COP1: variants seen among roughly 807,000 people sequenced by gnomAD.
The protein encoded by COP1 is COP1 E3 ubiquitin ligase.
Under a neutral mutation model 101.3 loss-of-function variants are expected in COP1, and 24 were observed. The ratio of observed to expected loss-of-function variants is 0.24; its 90% CI spans 0.17 to 0.33. The LOEUF is 0.33. Ranked by LOEUF, COP1 falls within the 10% of genes least tolerant of loss-of-function variation. The pLI, the probability that COP1 is intolerant of heterozygous loss-of-function variation, is 1.00. For missense variants in COP1, 663 were observed against 906.2 expected, an observed-to-expected ratio of 0.73 and a Z score of 3.45; for synonymous variants, 347 against 341.9, an observed-to-expected ratio of 1.01 and a Z score of -0.17.
intron 1 of COP1, among the ~76,000 whole-genome samples, chr1:176,201,596 T>C (rs927757709): frequency 1.3e-5 from 2 of 152,226 alleles, no homozygotes; most frequent in African/African-American, 2.4e-5. Flanking sequence ...TGAACTACTA[T>C]TGCACAAGTA....
intron 15 of COP1, among the ~76,000 whole-genome samples, chr1:175,990,492 G>T (rs6676805): frequency 2.0e-5 from 3 of 151,988 alleles, no homozygotes; most frequent in Non-Finnish European, 4.4e-5. Flanking sequence ...TTGGATGTCT[G>T]TTATGTCAGA....
intron 15 of COP1, among the ~76,000 whole-genome samples, chr1:176,004,938 TC>T (rs1423299106): frequency 1.3e-5 from 2 of 151,788 alleles, no homozygotes; most frequent in African/African-American, 4.8e-5. Flanking sequence ...TACCAGTTCC[TC>T]CTTGTACCTC....
chr1:176,072,940 T>G (rs1000271075), intron 11 of COP1, among the ~76,000 whole-genome samples: 3 of 152,188 alleles, frequency 2.0e-5, no homozygotes, highest in African/African-American at 7.2e-5. Context: ...ATTCCTCTTT[T>G]TCTTCTGGGT....
intron 15 of COP1, among the ~76,000 whole-genome samples, chr1:176,020,331 A>C (rs1571723721): frequency 1.3e-5 from 2 of 150,312 alleles, no homozygotes; most frequent in South Asian, 2.1e-4. Flanking sequence ...AAAAAAAAAA[A>C]CCTTCATACT....
intron 15 of COP1, among the ~76,000 whole-genome samples, chr1:176,004,331 A>C (rs1662546002): frequency 7.0e-6 from 1 of 143,302 alleles, no homozygotes; most frequent in South Asian, 2.4e-4. Flanking sequence ...TTCCTAATTG[A>C]ATACCCTTTA....
At chr1:176,008,928 T>C (rs953899522) in intron 15 of COP1, among the ~76,000 whole-genome samples, 4 of 152,216 alleles carry the variant, frequency 2.6e-5, no homozygotes, top group African/African-American at 9.6e-5. Context: ...CCTTAATGCT[T>C]TGCACGATTT....
rs377505437 is a variant in COP1 at position 176,085,771 on chromosome 1, T to C, written c.1141+5A>G. 6.1e-5 allele frequency: 92 copies of C among 1,505,520 alleles called. 1 individual carries two copies. In the Admixed American group the frequency reaches 9.0e-4, roughly 15 times the overall value. The allele number at this position is 1,505,520 out of a possible 1,614,324, so 93.3% of individuals were successfully genotyped here. On this transcript the variant is annotated splice_donor_5th_base_variant and intron_variant, in intron 10 of 19. Transcript: ENST00000367669. Reference sequence around the variant, plus strand: ...CAGATAATTTGAGAAGGTCTAAATATATACCTGAGATACGAGACATCCTTG... The same window carrying C: ...CAGATAATTTGAGAAGGTCTAAATACATACCTGAGATACGAGACATCCTTG...
At chr1:176,089,998 A>G (rs1041724369) in intron 9 of COP1, among the ~76,000 whole-genome samples, 4 of 152,202 alleles carry the variant, frequency 2.6e-5, no homozygotes, top group African/African-American at 9.6e-5. Context: ...CAGCCTAATT[A>G]GGAAACATTT....
intron 3 of COP1, among the ~76,000 whole-genome samples, chr1:176,166,362 A>C (rs1049354351): frequency 1.3e-5 from 2 of 152,144 alleles, no homozygotes; most frequent in Non-Finnish European, 2.9e-5. Flanking sequence ...CTTGGCCTCG[A>C]GTGATCCGTC....
chr1:176,072,669 C>T (rs955876805), intron 11 of COP1, among the ~76,000 whole-genome samples: 1 of 152,144 alleles, frequency 6.6e-6, no homozygotes, highest in African/African-American at 2.4e-5. Context: ...TTAAAGCTCA[C>T]AAGCACTCTA....
intron 16 of COP1, 77 bp from the exon 17 acceptor site, chr1:175,988,489 T>C: frequency 7.4e-7 from 1 of 1,349,302 alleles, no homozygotes. Flanking sequence ...TTAGAGGCAA[T>C]GCAGTTTGCT....
chr1:176,169,014 TA>T (rs1237675356), intron 3 of COP1, among the ~76,000 whole-genome samples: 2 of 152,208 alleles, frequency 1.3e-5, no homozygotes, highest in African/African-American at 2.4e-5. Context: ...ATAGGGCATC[TA>T]AAATTTTTTG....
intron 15 of COP1, among the ~76,000 whole-genome samples, chr1:176,003,330 G>A (rs902521374): frequency 4.5e-4 from 69 of 152,218 alleles, no homozygotes; most frequent in African/African-American, 1.5e-3. Context: ...AGTTTCTTTC[G>A]CTGTGCAGAA....
chr1:176,025,794 G>A (rs1667564716), intron 15 of COP1, among the ~76,000 whole-genome samples: 1 of 152,050 alleles, frequency 6.6e-6, no homozygotes, highest in African/African-American at 2.4e-5. Flanking sequence ...GGAGGCTGAG[G>A]TTGGAGGATC....
intron 18 of COP1, among the ~76,000 whole-genome samples, chr1:175,976,487 A>C (rs965130209): frequency 6.6e-6 from 1 of 151,902 alleles, no homozygotes. Context: ...CATGTTGGGC[A>C]GGCTGGTCTC....
intron 1 of COP1, among the ~76,000 whole-genome samples, chr1:176,196,207 CAGAAA>C (rs1699677149): frequency 6.6e-6 from 1 of 151,676 alleles, no homozygotes; most frequent in South Asian, 2.1e-4. Flanking sequence ...ACTAAGAAAC[CAGAAA>C]AGAAAACATG....
At chr1:175,990,503 T>C (rs545174359) in intron 15 of COP1, among the ~76,000 whole-genome samples, 6 of 152,168 alleles carry the variant, frequency 3.9e-5, no homozygotes, top group South Asian at 4.1e-4. Context: ...TTATGTCAGA[T>C]TGACAATGTT....
At chr1:176,122,704 T>C (rs1348490110) in intron 8 of COP1, among the ~76,000 whole-genome samples, 1 of 152,220 alleles carries the variant, frequency 6.6e-6, no homozygotes, top group Non-Finnish European at 1.5e-5. Flanking sequence ...TGGAACCTAA[T>C]ACTTATACCG....
At chr1:176,019,681 T>A (rs2149012022) in intron 15 of COP1, among the ~76,000 whole-genome samples, 1 of 151,780 alleles carries the variant, frequency 6.6e-6, no homozygotes, top group South Asian at 2.1e-4. Context: ...GGTAACATAG[T>A]GAAAATACGT....
Sources: allele counts gnomAD v4.1 joint callset (sites outside exome capture counted in the v4.1 genomes callset), GRCh38; gene constraint gnomAD v4.1.1; transcripts MANE v1.5; gene names NCBI Gene and HGNC (gene_info 2026-07-23, HGNC 2026-07-21).